Variants in FAF1 observed in about 807,000 individuals in gnomAD.
FAF1 encodes the protein Fas associated factor 1.
A neutral mutation model predicts 92.5 loss-of-function variants in FAF1; 25 were observed. The observed-to-expected ratio is 0.27, with a 90% CI of 0.20 to 0.38. The LOEUF (loss-of-function observed/expected upper bound fraction) is 0.38, where lower values mean the gene tolerates loss of function less well. Among genes scored for constraint, FAF1 ranks in the 10% least tolerant of loss-of-function variants. The pLI, the probability that FAF1 is intolerant of heterozygous loss-of-function variation, is 1.00. For missense variants in FAF1, 636 were observed against 793.3 expected (o/e 0.80, Z 2.38); for synonymous variants, 234 against 273.2 (o/e 0.86, Z 1.42).
intron 15 of FAF1, among the ~76,000 whole-genome samples, chr1:50,526,616 T>A (rs1647819544): frequency 6.6e-6 from 1 of 151,830 alleles, no homozygotes; most frequent in Non-Finnish European, 1.5e-5. Context: ...CACCTTTTGG[T>A]TATTATGAAT....
chr1:50,806,126 T>C (rs1411804228), intron 2 of FAF1, among the ~76,000 whole-genome samples: 1 of 152,152 alleles, frequency 6.6e-6, no homozygotes, highest in Non-Finnish European at 1.5e-5. Context: ...GTATCTGAGA[T>C]AGATTTATAT....
At position 50,933,510 on chromosome 1, in the gene FAF1, A is replaced by G. The variant is rs147056265; in HGVS notation, c.45+26257T>C. Among the ~76,000 whole-genome samples, 321 of 152,300 alleles carry G rather than the reference A, an allele frequency of 2.1e-3. 1 individual carries two copies. Among genetic ancestry groups the G allele is most frequent in the African/African-American group, 7.3e-3 (304 of 41,564 alleles). On this transcript the variant is annotated intron_variant, in intron 1 of 18. Coordinates refer to ENST00000396153, the MANE Select transcript of FAF1 (RefSeq NM_007051.3). ...CACCTCAGCCTGGACCTTATTGTTCATATCACTAATAGTATTTTTGTCAAA... is the reference window on the plus strand; with the variant it reads ...CACCTCAGCCTGGACCTTATTGTTCGTATCACTAATAGTATTTTTGTCAAA...
chr1:50,503,588 C>T (rs1572790993), intron 15 of FAF1, among the ~76,000 whole-genome samples: 1 of 150,532 alleles, frequency 6.6e-6, no homozygotes, highest in East Asian at 2.0e-4. Flanking sequence ...GCATTCCAGC[C>T]TGGGCAACAG....
intron 2 of FAF1, among the ~76,000 whole-genome samples, chr1:50,836,947 GTTTC>G (rs1644210918): frequency 1.0e-5 from 1 of 96,186 alleles, no homozygotes; most frequent in Non-Finnish European, 2.1e-5. Context: ...TGTATGTTAT[GTTTC>G]TTTTTTTTTT....
At chr1:50,681,719 A>T (rs923111686) in intron 7 of FAF1, among the ~76,000 whole-genome samples, 2 of 146,904 alleles carry the variant, frequency 1.4e-5, no homozygotes, top group Non-Finnish European at 3.0e-5. Context: ...GGGTTTCACC[A>T]TGTTGGACAG....
At chr1:50,720,898 C>T (rs1658381505) in intron 6 of FAF1, among the ~76,000 whole-genome samples, 1 of 152,090 alleles carries the variant, frequency 6.6e-6, no homozygotes, top group Non-Finnish European at 1.5e-5. Flanking sequence ...TGTATCATAC[C>T]ATCCACCAGA....
intron 7 of FAF1, among the ~76,000 whole-genome samples, chr1:50,660,639 G>A (rs537596077): frequency 2.6e-5 from 4 of 152,050 alleles, no homozygotes; most frequent in African/African-American, 9.6e-5. Flanking sequence ...GATTACAGGA[G>A]TGTGCCACCA....
chr1:50,853,754 G>A (rs1191638156), intron 2 of FAF1, among the ~76,000 whole-genome samples: 8 of 152,038 alleles, frequency 5.3e-5, no homozygotes, highest in Admixed American at 1.3e-4. Flanking sequence ...TCTAGAGACC[G>A]TGTGTAAAAT....
At chr1:50,907,169 C>T (rs1292782329) in intron 1 of FAF1, among the ~76,000 whole-genome samples, 1 of 152,048 alleles carries the variant, frequency 6.6e-6, no homozygotes, top group Non-Finnish European at 1.5e-5. Flanking sequence ...TCTGTTTACA[C>T]AACGGATTAC....
At chr1:50,597,404 G>GA (rs971593289) in intron 8 of FAF1, among the ~76,000 whole-genome samples, 6 of 141,586 alleles carry the variant, frequency 4.2e-5, no homozygotes, top group East Asian at 2.1e-4. Flanking sequence ...CAACCAAAAA[G>GA]AAAAAAAAAA....
chr1:50,545,745 A>G (rs1330308263), intron 13 of FAF1, among the ~76,000 whole-genome samples: 1 of 152,262 alleles, frequency 6.6e-6, no homozygotes, highest in Non-Finnish European at 1.5e-5. Flanking sequence ...CAATTTGCCA[A>G]TAAAAATTAT....
At chr1:50,568,911 T>C (rs2149057510) in intron 12 of FAF1, among the ~76,000 whole-genome samples, 1 of 152,258 alleles carries the variant, frequency 6.6e-6, no homozygotes. Flanking sequence ...TGGGTATAAG[T>C]AGCTCAGCTG....
intron 7 of FAF1, among the ~76,000 whole-genome samples, chr1:50,704,533 C>T (rs1045785113): frequency 6.6e-6 from 1 of 152,068 alleles, no homozygotes; most frequent in East Asian, 1.9e-4. Flanking sequence ...TATAATAACT[C>T]GGAGATGGAG....
At chr1:50,532,003 A>G (rs189900704) in intron 15 of FAF1, among the ~76,000 whole-genome samples, 2 of 152,144 alleles carry the variant, frequency 1.3e-5, no homozygotes, top group Admixed American at 1.3e-4. Context: ...CTAATTTTTT[A>G]AAAATAAAGG....
At chr1:50,936,674 T>C (rs1645087552) in intron 1 of FAF1, among the ~76,000 whole-genome samples, 2 of 152,184 alleles carry the variant, frequency 1.3e-5, no homozygotes, top group African/African-American at 4.8e-5. Flanking sequence ...CTTTTGGACT[T>C]AGCAGCTTAT....
chr1:50,807,917 G>A (rs552392869), intron 2 of FAF1, among the ~76,000 whole-genome samples: 1 of 152,192 alleles, frequency 6.6e-6, no homozygotes, highest in South Asian at 2.1e-4. Context: ...CAGAACCCCT[G>A]CAAGGTACTA....
chr1:50,828,909 A>G (rs1462964363), intron 2 of FAF1, among the ~76,000 whole-genome samples: 1 of 152,194 alleles, frequency 6.6e-6, no homozygotes, highest in East Asian at 1.9e-4. Flanking sequence ...ACACACAACA[A>G]AAAGCTTCTA....
chr1:50,874,493 T>G (rs1644553555), intron 1 of FAF1, among the ~76,000 whole-genome samples: 2 of 152,044 alleles, frequency 1.3e-5, no homozygotes, highest in Admixed American at 1.3e-4. Context: ...CCCAAGTAGC[T>G]AGGACTACAG....
chr1:50,781,709 T>C (rs1661186610), intron 4 of FAF1, among the ~76,000 whole-genome samples: 1 of 152,218 alleles, frequency 6.6e-6, no homozygotes, highest in Non-Finnish European at 1.5e-5. Context: ...ATACACACTC[T>C]TCTCAAGTGC....
Sources: gnomAD v4.1 joint callset for allele counts (sites outside exome capture counted in the v4.1 genomes callset) on GRCh38, gnomAD v4.1.1 for gene constraint, MANE v1.5 for transcripts, NCBI Gene and HGNC (gene_info 2026-07-23, HGNC 2026-07-21) for gene names.